Variants in PKNOX2 observed in about 807,000 individuals in gnomAD.
PKNOX2 encodes PBX/knotted 1 homeobox 2.
A neutral mutation model predicts 53.1 loss-of-function variants in PKNOX2; 14 were observed. That is an observed-to-expected ratio of 0.26 (90% CI 0.17 to 0.41). The LOEUF is 0.41. PKNOX2 is among the 10% of genes least tolerant of loss of function. The pLI is 1.00. For missense variants in PKNOX2, 496 were observed against 602.8 expected (o/e 0.82, Z 1.85); for synonymous variants, 257 against 242.8 (o/e 1.06, Z -0.54).
intron 1 of PKNOX2, among the ~76,000 whole-genome samples, chr11:125,225,989 C>T (rs1018874652): frequency 1.8e-4 from 28 of 152,222 alleles, no homozygotes; most frequent in African/African-American, 6.8e-4. Context: ...CATCACACTG[C>T]CTTTGTTCAG....
intron 1 of PKNOX2, among the ~76,000 whole-genome samples, chr11:125,188,973 C>G (rs1240719978): frequency 6.6e-6 from 1 of 151,920 alleles, no homozygotes; most frequent in Non-Finnish European, 1.5e-5. Context: ...TGCTAATTCC[C>G]AGTGTGGACA....
chr11:125,429,737 AC>A lies in PKNOX2; in HGVS notation c.1014-220del, dbSNP rs546317237. Among the ~76,000 whole-genome samples, 96 of 151,678 alleles carry A rather than the reference AC, an allele frequency of 6.3e-4. No individual in the cohort carries two copies. The Middle Eastern group carries it at 0.017, about 27-fold the overall frequency. ...GGAAGGTCTTGAGCAGGGATTTCTG[AC>A]CCCCCATGCATTCTTCCCATATGAC... On this transcript the variant is annotated intron_variant, in intron 11 of 12. Transcript: ENST00000298282.
chr11:125,421,064 A>T (rs1043851640), intron 10 of PKNOX2, among the ~76,000 whole-genome samples: 1 of 152,246 alleles, frequency 6.6e-6, no homozygotes, highest in African/African-American at 2.4e-5. Flanking sequence ...ACATGATCTA[A>T]GTTCCAAATA....
intron 1 of PKNOX2, among the ~76,000 whole-genome samples, chr11:125,203,100 G>C (rs1565468341): frequency 6.6e-6 from 1 of 152,112 alleles, no homozygotes; most frequent in Non-Finnish European, 1.5e-5. Flanking sequence ...ATCTAACCAA[G>C]AGGTACAGAG....
chr11:125,191,942 C>T (rs188239272), intron 1 of PKNOX2, among the ~76,000 whole-genome samples: 3 of 152,284 alleles, frequency 2.0e-5, no homozygotes, highest in East Asian at 1.9e-4. Context: ...TGTGGTGCTT[C>T]GCGCTGTCAA....
At chr11:125,346,510 C>T (rs1950977359) in intron 3 of PKNOX2, among the ~76,000 whole-genome samples, 1 of 152,106 alleles carries the variant, frequency 6.6e-6, no homozygotes, top group South Asian at 2.1e-4. Context: ...ATTTTTTTTA[C>T]CCCAAGGCCA....
intron 3 of PKNOX2, among the ~76,000 whole-genome samples, chr11:125,339,438 C>T (rs766340374): frequency 6.6e-6 from 1 of 152,224 alleles, no homozygotes. Context: ...CCACTGGACA[C>T]GCTTTCCCAA....
intron 7 of PKNOX2, among the ~76,000 whole-genome samples, chr11:125,404,622 TCACA>T (rs748231498): frequency 4.1e-5 from 6 of 146,320 alleles, no homozygotes; most frequent in Non-Finnish European, 9.0e-5. Context: ...AACACACACA[TCACA>T]CACACACAAA....
chr11:125,348,241 G>A (rs1407218557), intron 3 of PKNOX2, among the ~76,000 whole-genome samples: 3 of 152,212 alleles, frequency 2.0e-5, no homozygotes, highest in Admixed American at 1.3e-4. Context: ...CCGGGGAAGT[G>A]CACGTGTGGG....
At position 125,400,726 on chromosome 11, in the gene PKNOX2, G is replaced by A. The variant is rs78311382; in HGVS notation, c.588+2664G>A. Among the ~76,000 whole-genome samples the A allele has an allele frequency of 3.6e-3, 548 of 152,256 alleles. 3 individuals are homozygous for A. The highest frequency in any genetic ancestry group is 0.012 in the African/African-American group (499 of 41,556). On this transcript the variant is annotated intron_variant, in intron 7 of 12. Transcript: ENST00000298282. ...CCCTGATGCCCCATCCAGAATGGAC[G>A]CTTCCTGCACTCCACTAACTGGTGG...
At chr11:125,168,401 C>G (rs1955045054) in intron 1 of PKNOX2, among the ~76,000 whole-genome samples, 1 of 152,242 alleles carries the variant, frequency 6.6e-6, no homozygotes, top group African/African-American at 2.4e-5. Flanking sequence ...TTCATTAACT[C>G]TACACCAGTT....
chr11:125,332,378 C>A (rs1950192603), intron 3 of PKNOX2, among the ~76,000 whole-genome samples: 1 of 152,152 alleles, frequency 6.6e-6, no homozygotes, highest in Admixed American at 6.5e-5. Context: ...ACTCAGGAAC[C>A]TGCACCCCAA....
chr11:125,214,245 C>A (rs140603312), intron 1 of PKNOX2, among the ~76,000 whole-genome samples: 1 of 152,008 alleles, frequency 6.6e-6, no homozygotes, highest in South Asian at 2.1e-4. Flanking sequence ...GCTCCATGAG[C>A]GGCCACCTCC....
chr11:125,420,732 C>A (rs1445591958), intron 10 of PKNOX2, among the ~76,000 whole-genome samples: 1 of 152,134 alleles, frequency 6.6e-6, no homozygotes, highest in Non-Finnish European at 1.5e-5. Flanking sequence ...GGGCATTTGA[C>A]CCTGAAGTCA....
rs148990930 is a variant in PKNOX2, at chr11:125,278,450, G to T, written c.-130+43335G>T. Among the ~76,000 whole-genome samples the T allele has an allele frequency of 2.2e-3, 336 of 152,280 alleles. 5 individuals are homozygous for T. The Middle Eastern group carries it at 0.027, about 12-fold the overall frequency. ...CCAAAGGCAGTGGGAGCAGCCTGGC[G>T]CTGAGTGTCTACCCAGCAGTGCATC... On this transcript the variant is annotated intron_variant, in intron 2 of 12. Transcript: ENST00000298282.
At chr11:125,185,550 C>T (rs997610932) in intron 1 of PKNOX2, among the ~76,000 whole-genome samples, 2 of 151,340 alleles carry the variant, frequency 1.3e-5, no homozygotes, top group African/African-American at 4.9e-5. Flanking sequence ...CATCCACTTT[C>T]TATCTCTATG....
chr11:125,279,583 G>C (rs920112267), intron 2 of PKNOX2, among the ~76,000 whole-genome samples: 3 of 152,166 alleles, frequency 2.0e-5, no homozygotes, highest in Non-Finnish European at 2.9e-5. Flanking sequence ...CCCAGCATCT[G>C]AGGGGCATCT....
At chr11:125,406,329 T>C (rs912889039) in intron 7 of PKNOX2, among the ~76,000 whole-genome samples, 6 of 152,106 alleles carry the variant, frequency 3.9e-5, no homozygotes, top group African/African-American at 1.2e-4. Context: ...TCAGAGACGA[T>C]GCTTAGGATC....
chr11:125,297,371 C>T (rs1476075045), intron 2 of PKNOX2, among the ~76,000 whole-genome samples: 1 of 152,154 alleles, frequency 6.6e-6, no homozygotes. Flanking sequence ...TGGGGATCTA[C>T]AATTGAATAG....
Sources: allele counts gnomAD v4.1 joint callset (sites outside exome capture counted in the v4.1 genomes callset), GRCh38; gene constraint gnomAD v4.1.1; transcripts MANE v1.5; gene names NCBI Gene and HGNC (gene_info 2026-07-23, HGNC 2026-07-21).